Variants in ANO7 observed in about 807,000 individuals in gnomAD.
The protein encoded by ANO7 is anoctamin 7.
Under a neutral mutation model 115.8 loss-of-function variants are expected in ANO7, and 114 were observed. The observed-to-expected ratio is 0.98, with a 90% CI of 0.85 to 1.15. The LOEUF is 1.15. Ranked by LOEUF, ANO7 falls within the 50% of genes most tolerant of loss-of-function variation. The probability of loss-of-function intolerance (pLI) is 0.00; values close to 1 mark genes in which losing one functional copy is unlikely to be tolerated. For missense variants in ANO7, 1,302 were observed against 1,201.2 expected (o/e 1.08, Z -1.24); for synonymous variants, 550 against 498.2 (o/e 1.10, Z -1.38).
chr2:241,202,497 C>T (rs528672042), intron 8 of ANO7, among the ~76,000 whole-genome samples, 193 bp downstream of exon 8: 10 of 152,336 alleles, frequency 6.6e-5, no homozygotes, highest in South Asian at 2.1e-4. Flanking sequence ...GCCTCAGGTC[C>T]GGCTCTGCGG....
In ANO7 at chr2:241,209,649, CT is replaced by C; in HGVS notation, c.1359+15del. 1.3e-6 allele frequency: 2 copies of C among 1,527,526 alleles called. No individual in the cohort carries two copies. The highest frequency in any genetic ancestry group is 1.8e-6 in the Non-Finnish European group (2 of 1,140,756). 94.6% of individuals were successfully genotyped at this position (1,527,526 alleles called of 1,614,324 possible). A position where few individuals can be genotyped will look rare whatever the true frequency, so the allele number is the denominator to read the frequency against. On this transcript the variant is annotated intron_variant, in intron 13 of 24. Coordinates refer to ENST00000674324, the MANE Select transcript of ANO7 (RefSeq NM_001370694.2). ...ATCGTGGTGATGGTATGCGGTCCCC[CT>C]GCCCTCCGCTCACGCCTCCATCCTC...
Position 241,218,389 on chromosome 2 carries a change from C to A in ANO7, c.2321+8C>A. The stretch of plus-strand genomic sequence containing the variant: ...GCACAACCGCACGTGCAGGTGAGCC[C>A]CGCGCCAGGTGGAGGGGGCCGCGGG... On this transcript the variant is annotated splice_region_variant and intron_variant, in intron 21 of 24. Coordinates refer to ENST00000674324, the MANE Select transcript of ANO7 (RefSeq NM_001370694.2). 7.3e-7 allele frequency: 1 copy of A among 1,363,546 alleles called. No homozygotes were observed. Among genetic ancestry groups the A allele is most frequent in the Non-Finnish European group, 9.5e-7 (1 of 1,051,808 alleles). The allele number at this position is 1,363,546 out of a possible 1,614,324, so 84.5% of individuals were successfully genotyped here.
the ANO7 span, among the ~76,000 whole-genome samples, chr2:241,234,511 C>T: frequency 6.6e-6 from 1 of 152,172 alleles, no homozygotes; most frequent in African/African-American, 2.4e-5. Flanking sequence ...GACGTGCTCA[C>T]GGGAGGAGTG....
Position 241,217,837 on chromosome 2 carries a change from C to T in ANO7, c.2124C>T (p.Ile708=). 1 of 1,608,430 alleles carries T rather than the reference C, an allele frequency of 6.2e-7. No homozygotes were observed. The highest frequency in any genetic ancestry group is 2.2e-5 in the East Asian group (1 of 44,746). The change falls in exon 20 of 25, where the codon ATC becomes ATT. Residue 708 remains isoleucine (I), a synonymous_variant. Coordinates refer to ENST00000674324, the MANE Select transcript of ANO7 (RefSeq NM_001370694.2). ...RRPVAERAQD[I]GIWFHILAGL... is the part of the protein sequence containing the mutation. The stretch of plus-strand genomic sequence containing the variant: ...CGGTGGCCGAGCGCGCCCAGGACAT[C>T]GGCATCTGGTTCCACATCCTGGCGG...
chr2:241,209,665 C>T, intron 13 of ANO7, 30 bp downstream of exon 13: 1 of 1,509,736 alleles, frequency 6.6e-7, no homozygotes, highest in East Asian at 2.3e-5. Context: ...TCCGCTCACG[C>T]CTCCATCCTC....
intron 18 of ANO7, among the ~76,000 whole-genome samples, 200 bp from the exon 19 acceptor site, chr2:241,215,893 A>G (rs570326159): frequency 1.3e-5 from 2 of 152,284 alleles, no homozygotes; most frequent in East Asian, 3.9e-4. Context: ...ACCAACAGAC[A>G]CAGACGCTTT....
chr2:241,216,757 T>G (rs1405733920), intron 19 of ANO7, among the ~76,000 whole-genome samples: 1 of 152,254 alleles, frequency 6.6e-6, no homozygotes, highest in Admixed American at 6.5e-5. Context: ...CTGTATCACC[T>G]GTGCCGTCCC....
chr2:241,207,119 T>G, intron 10 of ANO7, among the ~76,000 whole-genome samples: 1 of 109,726 alleles, frequency 9.1e-6, no homozygotes, highest in African/African-American at 3.9e-5. Flanking sequence ...GTCTGACAGG[T>G]GGACAGGAGT....
intron 2 of ANO7, 50 bp from the exon 3 acceptor site, chr2:241,191,144 G>T (rs773557332): frequency 6.2e-7 from 1 of 1,608,448 alleles, no homozygotes; most frequent in Non-Finnish European, 8.5e-7. Context: ...TGTAGTTGTC[G>T]AGGGCAGATG....
At chr2:241,191,943 G>C (rs536023532) in intron 3 of ANO7, among the ~76,000 whole-genome samples, 4 of 152,192 alleles carry the variant, frequency 2.6e-5, no homozygotes, top group Non-Finnish European at 5.9e-5. Context: ...GAGCGCCCAC[G>C]AGCACGGGAT....
chr2:241,203,301 G>T lies in ANO7; in HGVS notation c.724-32G>T. The T allele has an allele frequency of 6.7e-7, 1 of 1,484,104 alleles. No individual in the cohort carries two copies. The highest frequency in any genetic ancestry group is 9.0e-7 in the Non-Finnish European group (1 of 1,116,762). The allele number at this position is 1,484,104 out of a possible 1,614,324, so 91.9% of individuals were successfully genotyped here. A position where few individuals can be genotyped will look rare whatever the true frequency, so the allele number is the denominator to read the frequency against. ...CAGTGCCCAGTGGGGTCAGCTGGGG[G>T]AGCCTCCCACCCACAGGCCGCTCGC... On this transcript the variant is annotated intron_variant, in intron 8 of 24. Coordinates refer to ENST00000674324, the MANE Select transcript of ANO7 (RefSeq NM_001370694.2). The surrounding 1 kb of genome is among the most constrained non-coding windows in gnomAD (Gnocchi z 4.8).
At chr2:241,232,141 C>T in the ANO7 span, among the ~76,000 whole-genome samples, 38 of 152,306 alleles carry the variant, frequency 2.5e-4, no homozygotes, top group South Asian at 1.5e-3. Context: ...AGGCACCACC[C>T]GCGTGCTGCC....
At position 241,204,044 on chromosome 2, in the gene ANO7, A is replaced by G. The variant is rs565876363; in HGVS notation, c.889+546A>G. 8.2e-4 allele frequency among the ~76,000 whole-genome samples: 125 copies of G among 152,028 alleles called. 1 individual carries two copies. The highest frequency in any genetic ancestry group is 2.8e-3 in the African/African-American group (118 of 41,460). ...CTTTCTCATCCGCACACACAGCCCC[A>G]CCGTGGACCCAGACAATAGAGCCAG... is the stretch of plus-strand genomic sequence containing the variant. On this transcript the variant is annotated intron_variant, in intron 9 of 24. Coordinates refer to ENST00000674324, the MANE Select transcript of ANO7 (RefSeq NM_001370694.2).
rs201231191 is a variant in ANO7 at position 241,200,232 on chromosome 2, C to T, written c.554+7C>T. 289 of 1,611,256 alleles carry T rather than the reference C, an allele frequency of 1.8e-4. 1 individual carries two copies. In the East Asian group the frequency reaches 6.3e-3, roughly 35 times the overall value. On this transcript the variant is annotated splice_region_variant and intron_variant, in intron 6 of 24. Coordinates refer to ENST00000674324, the MANE Select transcript of ANO7 (RefSeq NM_001370694.2). ...GAGTGAACAAGCTGCCACGGTAAGG[C>T]AGGGGCCCTGCCAGTCGGAGGAAAG... is the stretch of plus-strand genomic sequence containing the variant.
At chr2:241,210,634 C>A in intron 15 of ANO7, 64 bp downstream of exon 15, 2 of 1,383,710 alleles carry the variant, frequency 1.4e-6, no homozygotes, top group Non-Finnish European at 2.1e-6. Context: ...CCAGCCAGAA[C>A]GTGACTTTCT....
chr2:241,201,340 C>T lies in ANO7; in HGVS notation c.597C>T (p.Thr199=), dbSNP rs748591336. 1 of 1,612,746 alleles carries T rather than the reference C, an allele frequency of 6.2e-7. No individual in the cohort carries two copies. Among genetic ancestry groups the T allele is most frequent in the Non-Finnish European group, 8.5e-7 (1 of 1,179,602 alleles). Residue 199 remains threonine, a synonymous_variant, in exon 7 of 25, where the codon ACC becomes ACT. Transcript: ENST00000674324. ...SDNQDTFFTS[T]KRHQILFEIL... Reference sequence around the variant, plus strand: ...ACCAGGACACCTTCTTCACAAGCACCAAGAGGCACCAAATTGTGAGTGGGG... The same window carrying T: ...ACCAGGACACCTTCTTCACAAGCACTAAGAGGCACCAAATTGTGAGTGGGG...
At chr2:241,209,152 C>A in intron 11 of ANO7, 133 bp from the exon 12 acceptor site, 1 of 1,172,272 alleles carries the variant, frequency 8.5e-7, no homozygotes, top group Non-Finnish European at 1.2e-6. Flanking sequence ...CCGTCTCAAG[C>A]AAACAAACAA....
intron 9 of ANO7, among the ~76,000 whole-genome samples, chr2:241,204,242 T>C (rs1303246937): frequency 6.6e-6 from 1 of 152,174 alleles, no homozygotes; most frequent in Non-Finnish European, 1.5e-5. Flanking sequence ...GGGCCAGGGC[T>C]GGATCTGGGC....
At position 241,195,622 on chromosome 2, in the gene ANO7, G is replaced by A. The variant is rs78026746; in HGVS notation, c.167-81G>A. The A allele has an allele frequency of 3.0e-3, 4,334 of 1,422,016 alleles. 94 individuals carry two copies. In the African/African-American group the frequency reaches 0.045, roughly 15 times the overall value. 88.1% of individuals were successfully genotyped at this position (1,422,016 alleles called of 1,614,324 possible). On this transcript the variant is annotated intron_variant, in intron 3 of 24. Transcript: ENST00000674324. ...AGTGCATGGCTCCCCACTGCGTCCC[G>A]GCTGGGATGCTGGCATCCCTTCCCT...
Sources: gnomAD v4.1 joint callset for allele counts (sites outside exome capture counted in the v4.1 genomes callset) on GRCh38, gnomAD v4.1.1 for gene constraint, Gnocchi (gnomAD v3.1) non-coding constraint, MANE v1.5 for transcripts, NCBI Gene and HGNC (gene_info 2026-07-23, HGNC 2026-07-21) for gene names.